CHIC2: variants seen among roughly 807,000 people sequenced by gnomAD.
CHIC2 encodes cysteine rich hydrophobic domain 2.
In CHIC2, 14 loss-of-function variants were observed where a neutral mutation model predicts 25.9. The ratio of observed to expected loss-of-function variants is 0.54; its 90% CI spans 0.36 to 0.85. CHIC2 has a LOEUF of 0.85. Among genes scored for constraint, CHIC2 ranks in the 40% least tolerant of loss-of-function variants. CHIC2 has a pLI of 0.01. For missense variants in CHIC2, 146 were observed against 202.0 expected, an observed-to-expected ratio of 0.72 and a Z score of 1.68; for synonymous variants, 70 against 72.0, an observed-to-expected ratio of 0.97 and a Z score of 0.14.
At chr4:54,046,082 C>A (rs1221916142) in intron 3 of CHIC2, among the ~76,000 whole-genome samples, 15 of 150,822 alleles carry the variant, frequency 9.9e-5, no homozygotes, top group East Asian at 3.9e-4. Flanking sequence ...ACCTAGGAAT[C>A]CAACTTACAA....
At chr4:54,048,356 A>C (rs1289940858) in intron 3 of CHIC2, among the ~76,000 whole-genome samples, 1 of 152,194 alleles carries the variant, frequency 6.6e-6, no homozygotes, top group Non-Finnish European at 1.5e-5. Flanking sequence ...TTACAGAATC[A>C]CTTTGTGCTC....
In CHIC2 at chr4:54,022,435, A is replaced by G. The variant is rs749998133; in HGVS notation, c.331-8316T>C. ...TCAACGACCTGTTTCCCTTGCCCCC[A>G]TAACTGTTGTGGGTATTGATGGCCA... On this transcript the variant is annotated intron_variant, in intron 3 of 5. Coordinates refer to ENST00000263921, the MANE Select transcript of CHIC2 (RefSeq NM_012110.4). Among the ~76,000 whole-genome samples, 8 of 152,024 alleles carry G rather than the reference A, an allele frequency of 5.3e-5. No homozygotes were observed. The South Asian group carries it at 8.3e-4, about 16-fold the overall frequency.
intron 3 of CHIC2, among the ~76,000 whole-genome samples, chr4:54,044,280 T>A (rs1716696976): frequency 6.6e-6 from 1 of 152,180 alleles, no homozygotes; most frequent in Non-Finnish European, 1.5e-5. Flanking sequence ...GGAATTGAAC[T>A]CAGCTCTGCA....
chr4:54,037,129 C>T (rs1716413294), intron 3 of CHIC2, among the ~76,000 whole-genome samples: 1 of 152,082 alleles, frequency 6.6e-6, no homozygotes, highest in Non-Finnish European at 1.5e-5. Context: ...CTTTGGGAGG[C>T]TGAGGCGGGT....
chr4:54,074,782 C>A, the CHIC2 span, among the ~76,000 whole-genome samples: 2 of 151,972 alleles, frequency 1.3e-5, no homozygotes, highest in African/African-American at 4.8e-5. Flanking sequence ...TCTTCTTAAC[C>A]TGAGTGACTC....
intron 1 of CHIC2, among the ~76,000 whole-genome samples, chr4:54,058,874 CATA>C (rs1717253311): frequency 6.6e-6 from 1 of 151,986 alleles, no homozygotes; most frequent in South Asian, 2.1e-4. Flanking sequence ...TGATTAGTAT[CATA>C]ATAATTACAT....
chr4:54,060,591 G>T (rs957087781), intron 1 of CHIC2: 3 of 152,198 alleles, frequency 2.0e-5, no homozygotes. Flanking sequence ...GGAAATATTG[G>T]CCTAAAACTA....
At chr4:54,033,343 C>T (rs940403416) in intron 3 of CHIC2, among the ~76,000 whole-genome samples, 1 of 152,010 alleles carries the variant, frequency 6.6e-6, no homozygotes, top group African/African-American at 2.4e-5. Context: ...ATTTACATAT[C>T]TTTTTTGGTG....
chr4:54,090,277 C>T, the CHIC2 span, among the ~76,000 whole-genome samples: 1 of 152,156 alleles, frequency 6.6e-6, no homozygotes, highest in Non-Finnish European at 1.5e-5. Context: ...ACCTCCACCT[C>T]TCAGGTTCAA....
chr4:54,016,691 C>T (rs1022640842), intron 3 of CHIC2, among the ~76,000 whole-genome samples: 4 of 151,960 alleles, frequency 2.6e-5, no homozygotes, highest in South Asian at 2.1e-4. Flanking sequence ...AGCACTTGCA[C>T]GTGCAGCTTA....
In CHIC2 at chr4:54,009,961, A is replaced by G; in HGVS notation, c.*134T>C. 1.9e-6 allele frequency: 1 copy of G among 520,008 alleles called. No individual in the cohort carries two copies. Among genetic ancestry groups the G allele is most frequent in the Non-Finnish European group, 3.4e-6 (1 of 295,576 alleles). 32.2% of individuals were successfully genotyped at this position (520,008 alleles called of 1,614,324 possible). A position where few individuals can be genotyped will look rare whatever the true frequency, so the allele number is the denominator to read the frequency against. ...TTAGAACATGCGGTTATTTAAAAAAAAAACAAAAACAAAAACAAAAAAAAC... is the reference window on the plus strand; with the variant it reads ...TTAGAACATGCGGTTATTTAAAAAAGAAACAAAAACAAAAACAAAAAAAAC... On this transcript the variant is annotated 3_prime_UTR_variant, in exon 6 of 6. Transcript: ENST00000263921.
chr4:54,086,232 TGC>T, the CHIC2 span, among the ~76,000 whole-genome samples: 5 of 152,024 alleles, frequency 3.3e-5, no homozygotes, highest in Non-Finnish European at 5.9e-5. Flanking sequence ...GCAACCAGCT[TGC>T]AAAATGCTGG....
chr4:54,034,523 T>C (rs1411006139), intron 3 of CHIC2, among the ~76,000 whole-genome samples: 3 of 152,154 alleles, frequency 2.0e-5, no homozygotes, highest in Non-Finnish European at 4.4e-5. Flanking sequence ...CTTATATATG[T>C]TTTTTTCAGC....
the CHIC2 span, among the ~76,000 whole-genome samples, chr4:54,078,087 A>G: frequency 4.6e-5 from 7 of 152,222 alleles, no homozygotes; most frequent in African/African-American, 1.7e-4. Context: ...CCATGAATGT[A>G]ATGTGTCTCA....
At chr4:54,025,585 G>T in intron 3 of CHIC2, among the ~76,000 whole-genome samples, 2 of 152,234 alleles carry the variant, frequency 1.3e-5, no homozygotes, top group East Asian at 3.9e-4. Flanking sequence ...AAGGCCGGGC[G>T]CAATAGCTCA....
chr4:54,035,551 T>C (rs1343833380), intron 3 of CHIC2, among the ~76,000 whole-genome samples: 1 of 152,146 alleles, frequency 6.6e-6, no homozygotes, highest in East Asian at 1.9e-4. Context: ...ATTCTTTTAC[T>C]ATCTTTAAAA....
the CHIC2 span, chr4:54,087,262 A>G: frequency 1.7e-6 from 1 of 599,856 alleles, no homozygotes; most frequent in Non-Finnish European, 3.0e-6. Context: ...GCGAGGACGC[A>G]TTTAAGAACA....
In CHIC2 at chr4:54,064,323, C is replaced by T. The variant is rs1371291927; in HGVS notation, c.-23G>A. 1 of 1,612,626 alleles carries T rather than the reference C, an allele frequency of 6.2e-7. No individual in the cohort carries two copies. The highest frequency in any genetic ancestry group is 1.3e-5 in the African/African-American group (1 of 74,910). On this transcript the variant is annotated 5_prime_UTR_variant, in exon 1 of 6. Coordinates refer to ENST00000263921, the MANE Select transcript of CHIC2 (RefSeq NM_012110.4). The surrounding 1 kb of genome is among the most constrained non-coding windows in gnomAD (Gnocchi z 4.2). ...CATCCTGAGCCTCCGAGCTCCCCTG[C>T]CCAAAGGGCCTGACTCCCGGGGTTG...
intron 3 of CHIC2, among the ~76,000 whole-genome samples, chr4:54,036,832 T>C (rs1716401159): frequency 6.7e-6 from 1 of 149,308 alleles, no homozygotes; most frequent in African/African-American, 2.5e-5. Context: ...TACACTGACA[T>C]ATGACCAAGG....
Sources: gnomAD v4.1 joint callset for allele counts (sites outside exome capture counted in the v4.1 genomes callset) on GRCh38, gnomAD v4.1.1 for gene constraint, Gnocchi (gnomAD v3.1) non-coding constraint, MANE v1.5 for transcripts, NCBI Gene and HGNC (gene_info 2026-07-23, HGNC 2026-07-21) for gene names.